Variants in CDH20 observed in about 807,000 individuals in gnomAD.
CDH20 encodes the protein cadherin-20.
A neutral mutation model predicts 74.2 loss-of-function variants in CDH20; 29 were observed. The ratio of observed to expected loss-of-function variants is 0.39; its 90% CI spans 0.29 to 0.53. The LOEUF is 0.53. CDH20 is among the 20% of genes least tolerant of loss of function. The pLI, the probability that CDH20 is intolerant of heterozygous loss-of-function variation, is 0.69. For synonymous variants in CDH20, 469 were observed against 405.4 expected, an observed-to-expected ratio of 1.16 and a Z score of -1.88; for missense variants, 988 against 1,048.3, an observed-to-expected ratio of 0.94 and a Z score of 0.79.
chr18:61,376,020 C>CATT (rs1478263325), intron 1 of CDH20, among the ~76,000 whole-genome samples: 3 of 152,082 alleles, frequency 2.0e-5, no homozygotes, highest in Non-Finnish European at 4.4e-5. Context: ...CCTAATAGTA[C>CATT]ATTGACTGCT....
At chr18:61,408,205 G>GA (rs544852524) in intron 1 of CDH20, among the ~76,000 whole-genome samples, 5 of 151,654 alleles carry the variant, frequency 3.3e-5, no homozygotes, top group Admixed American at 6.6e-5. Context: ...GGAGGCTAAT[G>GA]AAAAAAAATG....
intron 1 of CDH20, among the ~76,000 whole-genome samples, chr18:61,429,553 A>G (rs1913183539): frequency 6.6e-6 from 1 of 152,184 alleles, no homozygotes; most frequent in Non-Finnish European, 1.5e-5. Flanking sequence ...GTGTTTTTCT[A>G]CTGTAGCCAC....
chr18:61,404,936 T>C, intron 1 of CDH20: 1 of 705,910 alleles, frequency 1.4e-6, no homozygotes, highest in Admixed American at 1.8e-5. Flanking sequence ...GTGTGCATAC[T>C]CTGTAGTATT....
chr18:61,477,768 C>G (rs1268109648), intron 1 of CDH20, among the ~76,000 whole-genome samples: 2 of 152,074 alleles, frequency 1.3e-5, no homozygotes. Context: ...TTTTATCAAC[C>G]CACACTCCCA....
chr18:61,392,376 A>G (rs146367072), intron 1 of CDH20, among the ~76,000 whole-genome samples: 151 of 152,230 alleles, frequency 9.9e-4, no homozygotes, highest in African/African-American at 3.4e-3. Context: ...ATATACAATC[A>G]GTATCTGCAG....
intron 1 of CDH20, among the ~76,000 whole-genome samples, chr18:61,380,342 G>A (rs1397096506): frequency 7.2e-5 from 11 of 152,214 alleles, no homozygotes; most frequent in Admixed American, 3.9e-4. Flanking sequence ...AATTCAAACC[G>A]CACATATATA....
intron 1 of CDH20, among the ~76,000 whole-genome samples, chr18:61,355,768 A>T (rs1910476518): frequency 6.6e-6 from 1 of 152,248 alleles, no homozygotes; most frequent in South Asian, 2.1e-4. Flanking sequence ...TTTATGTGGA[A>T]TTCTGTTTTC....
At chr18:61,342,910 G>A (rs866534330) in intron 1 of CDH20, among the ~76,000 whole-genome samples, 2 of 152,132 alleles carry the variant, frequency 1.3e-5, no homozygotes, top group Non-Finnish European at 2.9e-5. Context: ...TTAAGATCAG[G>A]TTTTTCCCTA....
At chr18:61,368,306 A>T (rs2144149549) in intron 1 of CDH20, among the ~76,000 whole-genome samples, 1 of 151,804 alleles carries the variant, frequency 6.6e-6, no homozygotes, top group African/African-American at 2.4e-5. Context: ...TACTGATCAT[A>T]CTCACTGTCT....
chr18:61,421,243 G>A (rs1912868128), intron 1 of CDH20, among the ~76,000 whole-genome samples: 2 of 152,104 alleles, frequency 1.3e-5, no homozygotes, highest in African/African-American at 2.4e-5. Context: ...ATGAAGCAGA[G>A]AAGTAAAACA....
intron 1 of CDH20, among the ~76,000 whole-genome samples, chr18:61,378,462 T>A (rs764077759): frequency 6.6e-5 from 10 of 152,168 alleles, no homozygotes; most frequent in Non-Finnish European, 1.3e-4. Context: ...TATTCAGGCA[T>A]CCAACGGATT....
rs199823094 is a variant in CDH20 at position 61,554,506 on chromosome 18, A to T, written c.2217A>T (p.Ala739=). The change falls in exon 12 of 12, where the codon GCA becomes GCT. Residue 739 remains alanine, a synonymous_variant. Transcript: ENST00000262717. ...KLYEADMDLW[A]PPFDSLQTYM... ...ACGAGGCCGACATGGACCTGTGGGC[A>T]CCGCCCTTCGACTCCCTCCAGACGT... The T allele has an allele frequency of 6.2e-7, 1 of 1,612,564 alleles. No individual in the cohort carries two copies. Among genetic ancestry groups the T allele is most frequent in the South Asian group, 1.1e-5 (1 of 90,878 alleles).
chr18:61,388,186 T>C (rs948690067), intron 1 of CDH20, among the ~76,000 whole-genome samples: 12 of 152,148 alleles, frequency 7.9e-5, no homozygotes, highest in African/African-American at 2.9e-4. Flanking sequence ...AAGCAGTTTA[T>C]GAAATGAGCC....
chr18:61,491,099 C>T (rs1330858997), intron 2 of CDH20, among the ~76,000 whole-genome samples: 1 of 152,042 alleles, frequency 6.6e-6, no homozygotes. Context: ...CAGCAGCTGT[C>T]TGGGAATGAC....
At chr18:61,465,814 C>G (rs1306955147) in intron 1 of CDH20, among the ~76,000 whole-genome samples, 1 of 151,972 alleles carries the variant, frequency 6.6e-6, no homozygotes, top group African/African-American at 2.4e-5. Flanking sequence ...GATATGGAAT[C>G]TGCTCTGGGA....
At chr18:61,335,979 C>T (rs918286337) in intron 1 of CDH20, among the ~76,000 whole-genome samples, 21 of 152,266 alleles carry the variant, frequency 1.4e-4, no homozygotes, top group African/African-American at 4.8e-4. Context: ...ACTACTGAAA[C>T]GCCCCCTTCT....
At chr18:61,350,625 T>C (rs746069285) in intron 1 of CDH20, among the ~76,000 whole-genome samples, 6 of 152,176 alleles carry the variant, frequency 3.9e-5, no homozygotes, top group Non-Finnish European at 7.4e-5. Flanking sequence ...ATATGCTAGT[T>C]ACTCTAAGAA....
At chr18:61,406,953 C>T (rs1285679101) in intron 1 of CDH20, among the ~76,000 whole-genome samples, 1 of 152,168 alleles carries the variant, frequency 6.6e-6, no homozygotes, top group Admixed American at 6.5e-5. Flanking sequence ...ATAACTATCA[C>T]AGGTAATCCA....
chr18:61,504,140 C>A (rs1179398942), intron 5 of CDH20, among the ~76,000 whole-genome samples: 1 of 152,068 alleles, frequency 6.6e-6, no homozygotes, highest in Non-Finnish European at 1.5e-5. Context: ...CCAGTGGAAG[C>A]CATAGAAACG....
Sources: allele counts gnomAD v4.1 joint callset (sites outside exome capture counted in the v4.1 genomes callset), GRCh38; gene constraint gnomAD v4.1.1; transcripts MANE v1.5; gene names NCBI Gene and HGNC (gene_info 2026-07-23, HGNC 2026-07-21).